The following GPR78 variants were observed in gnomAD, a reference collection of about 807,000 sequenced individuals.
GPR78 encodes G protein-coupled receptor 78.
In GPR78, 29 loss-of-function variants were observed where a neutral mutation model predicts 17.9. The observed-to-expected ratio is 1.62, with a 90% CI of 1.20 to 2.21. GPR78 has a LOEUF of 2.21. Ranked by LOEUF, GPR78 falls within the 30% of genes most tolerant of loss-of-function variation. The pLI, the probability that GPR78 is intolerant of heterozygous loss-of-function variation, is 0.00. For synonymous variants in GPR78, 349 were observed against 256.9 expected, an observed-to-expected ratio of 1.36 and a Z score of -3.43; for missense variants, 649 against 530.5, an observed-to-expected ratio of 1.22 and a Z score of -2.19.
rs1003850565 is a variant in GPR78, at chr4:8,582,618, C to A, written c.756C>A (p.Ile252=). The A allele has an allele frequency of 2.5e-6, 4 of 1,612,866 alleles. No homozygotes were observed. The highest frequency in any genetic ancestry group is 3.4e-6 in the Non-Finnish European group (4 of 1,179,032). ...KIGIAIATFL[I]CFAPYVMTRL... Reference sequence around the variant, plus strand: ...GCATTGCTATTGCGACCTTCCTCATCTGCTTTGCCCCGTATGTCATGACCA... The same window carrying A: ...GCATTGCTATTGCGACCTTCCTCATATGCTTTGCCCCGTATGTCATGACCA... Residue 252 remains isoleucine, a synonymous_variant, in exon 2 of 3, where the codon ATC becomes ATA. Coordinates refer to ENST00000382487, the MANE Select transcript of GPR78 (RefSeq NM_080819.5).
Position 8,581,155 on chromosome 4 carries a change from T to A in GPR78, c.173T>A (p.Leu58Gln), listed in dbSNP as rs774787534. Residue 58 changes from leucine to glutamine, a missense_variant, in exon 1 of 3, where the codon CTG becomes CAG. Physicochemically the swap from Leu to Gln is moderately radical, Grantham distance 113 (BLOSUM62 -2). Transcript: ENST00000382487. ...LSLGHLLLAA[L>Q]DMPFTLLGVM... Reference sequence around the variant, plus strand: ...CTGGGCCACCTGCTGCTGGCGGCGCTGGACATGCCCTTCACGCTGCTCGGT... The same window carrying A: ...CTGGGCCACCTGCTGCTGGCGGCGCAGGACATGCCCTTCACGCTGCTCGGT... 1.2e-6 allele frequency: 2 copies of A among 1,604,332 alleles called. No homozygotes were observed. The highest frequency in any genetic ancestry group is 4.5e-5 in the East Asian group (2 of 44,866).
intron 2 of GPR78, among the ~76,000 whole-genome samples, chr4:8,583,978 CA>C (rs1713396616): frequency 6.6e-6 from 1 of 152,230 alleles, no homozygotes; most frequent in African/African-American, 2.4e-5. Flanking sequence ...GAAACTGTAG[CA>C]TCCTTCTCCC....
In GPR78 at chr4:8,587,153, C is replaced by A; in HGVS notation, c.882C>A (p.Tyr294Ter). Reference protein sequence around the residue: ...YSKAVADPFTYSLLRRPFRQV... With the variant: ...YSKAVADPFT ...AGGCGGTGGCCGACCCGTTCACGTA[C>A]TCTCTGCTCCGCCGGCCGTTCCGCC... The change falls in exon 3 of 3, where the codon TAC becomes TAA. Residue 294 changes from tyrosine to a stop codon, truncating the protein, a stop_gained. Coordinates refer to ENST00000382487, the MANE Select transcript of GPR78 (RefSeq NM_080819.5). LOFTEE classifies it low-confidence loss of function (END_TRUNC). The A allele has an allele frequency of 6.2e-7, 1 of 1,613,380 alleles. No homozygotes were observed. Among genetic ancestry groups the A allele is most frequent in the Non-Finnish European group, 8.5e-7 (1 of 1,180,018 alleles).
At chr4:8,587,026 T>C in intron 2 of GPR78, 28 bp from the exon 3 acceptor site, 1 of 1,599,398 alleles carries the variant, frequency 6.3e-7, no homozygotes, top group Non-Finnish European at 8.5e-7. Context: ...TCACTGTGGC[T>C]GAGTTAGCTG....
rs553946130 is a variant in GPR78, at chr4:8,587,586, C to T, written c.*223C>T. 129 of 597,206 alleles carry T rather than the reference C, an allele frequency of 2.2e-4. 1 individual carries two copies. Among genetic ancestry groups the T allele is most frequent in the Non-Finnish European group, 1.6e-4 (53 of 336,732 alleles). The allele number at this position is 597,206 out of a possible 1,614,324, so 37.0% of individuals were successfully genotyped here. A position where few individuals can be genotyped will look rare whatever the true frequency, so the allele number is the denominator to read the frequency against. ...GGGCTGCCTGGCTGCTGGGTGGCCC[C>T]GGGACAGTGGCTTTTCCTCTCTGAA... On this transcript the variant is annotated 3_prime_UTR_variant, in exon 3 of 3. Coordinates refer to ENST00000382487, the MANE Select transcript of GPR78 (RefSeq NM_080819.5).
In GPR78 at chr4:8,581,039, G is replaced by A. The variant is rs764597378; in HGVS notation, c.57G>A (p.Ala19=). ...AGLLVMVLAV[A]LLSNALVLLC... is the part of the protein sequence containing the mutation. Reference sequence around the variant, plus strand: ...TCCTGGTGATGGTACTGGCCGTGGCGCTGCTATCCAACGCACTGGTGCTGC... The same window carrying A: ...TCCTGGTGATGGTACTGGCCGTGGCACTGCTATCCAACGCACTGGTGCTGC... The change falls in exon 1 of 3, where the codon GCG becomes GCA. Residue 19 remains alanine (A), a synonymous_variant. Transcript: ENST00000382487. The A allele has an allele frequency of 1.2e-6, 2 of 1,603,330 alleles. No individual in the cohort carries two copies. The highest frequency in any genetic ancestry group is 8.5e-7 in the Non-Finnish European group (1 of 1,177,238).
In GPR78 at chr4:8,581,029, T is replaced by G. The variant is rs532567416; in HGVS notation, c.47T>G (p.Leu16Arg). ...ALLAGLLVMV[L>R]AVALLSNALV... ...CTGGCGGGTCTCCTGGTGATGGTAC[T>G]GGCCGTGGCGCTGCTATCCAACGCA... Residue 16 changes from leucine to arginine, a missense_variant, in exon 1 of 3, where the codon CTG (leucine) becomes CGG (arginine). Leu to Arg is a moderately radical substitution (Grantham distance 102, BLOSUM62 -2). Transcript: ENST00000382487. 3.7e-6 allele frequency: 6 copies of G among 1,600,990 alleles called. No homozygotes were observed. The African/African-American group carries it at 5.3e-5, about 14-fold the overall frequency.
chr4:8,587,308 C>G lies in GPR78; in HGVS notation c.1037C>G (p.Thr346Ser). 3.1e-6 allele frequency: 5 copies of G among 1,613,078 alleles called. No homozygotes were observed. Among genetic ancestry groups the G allele is most frequent in the Non-Finnish European group, 3.4e-6 (4 of 1,179,940 alleles). Residue 346 changes from threonine (T) to serine (S), a missense_variant, in exon 3 of 3, where the codon ACC becomes AGC. Physicochemically the swap from Thr to Ser is moderately conservative, Grantham distance 58. Coordinates refer to ENST00000382487, the MANE Select transcript of GPR78 (RefSeq NM_080819.5). ...AAGAGAACCCCGCGCCCAGCGTCCA[C>G]CCACAACGGCTCTGTGGACACAGAG... The part of the protein sequence containing the change: ...LLKRTPRPAS[T>S]HNGSVDTEND...
chr4:8,581,098 G>T lies in GPR78; in HGVS notation c.116G>T (p.Arg39Leu). Reference protein sequence around the residue: ...CCAYSAELRTRASGVLLVNLS... With the variant: ...CCAYSAELRTLASGVLLVNLS... ...GCCTACAGCGCTGAGCTCCGCACTCGAGCCTCAGGCGTCCTCCTGGTGAAT... is the reference window on the plus strand; with the variant it reads ...GCCTACAGCGCTGAGCTCCGCACTCTAGCCTCAGGCGTCCTCCTGGTGAAT... The change falls in exon 1 of 3, where the codon CGA becomes CTA. Residue 39 changes from arginine to leucine, a missense_variant. Coordinates refer to ENST00000382487, the MANE Select transcript of GPR78 (RefSeq NM_080819.5). The T allele has an allele frequency of 6.2e-7, 1 of 1,606,590 alleles. No homozygotes were observed.
chr4:8,587,619 T>G lies in GPR78; in HGVS notation c.*256T>G. The G allele has an allele frequency of 1.1e-5, 6 of 557,740 alleles. No individual in the cohort carries two copies. The highest frequency in any genetic ancestry group is 3.1e-5 in the East Asian group (1 of 32,720). 34.5% of individuals were successfully genotyped at this position (557,740 alleles called of 1,614,324 possible). On this transcript the variant is annotated 3_prime_UTR_variant, in exon 3 of 3. Coordinates refer to ENST00000382487, the MANE Select transcript of GPR78 (RefSeq NM_080819.5). ...TGGCTTTTCCTCTCTGAACCTTAGC[T>G]TCCTCACCCTTGTTCTGGGGTCATG...
In GPR78 at chr4:8,580,750, C is replaced by T; in HGVS notation, c.-233C>T. On this transcript the variant is annotated 5_prime_UTR_variant, in exon 1 of 3. Transcript: ENST00000382487. ...GGACAGCACCGCGGTTGCGCTGCCT[C>T]CAGGGCGGCCCCGGGCTGCTCCTGC... The T allele has an allele frequency of 1.8e-6, 1 of 561,436 alleles. No homozygotes were observed. Among genetic ancestry groups the T allele is most frequent in the Non-Finnish European group, 3.1e-6 (1 of 322,784 alleles). The allele number at this position is 561,436 out of a possible 1,614,324, so 34.8% of individuals were successfully genotyped here. A position where few individuals can be genotyped will look rare whatever the true frequency, so the allele number is the denominator to read the frequency against.
intron 1 of GPR78, 67 bp downstream of exon 1, chr4:8,581,717 G>C: frequency 1.6e-6 from 2 of 1,254,016 alleles, no homozygotes; most frequent in South Asian, 3.4e-5. Flanking sequence ...CAGTTGGCTT[G>C]AGGAGCCTGT....
chr4:8,581,600 G>A lies in GPR78; in HGVS notation c.618G>A (p.Met206Ile). Reference sequence around the variant, plus strand: ...TGGCACGCAGACACTGCCAGCGCATGGACACCGTCACCATGAAGGCGCTCG... The same window carrying A: ...TGGCACGCAGACACTGCCAGCGCATAGACACCGTCACCATGAAGGCGCTCG... ...HRVARRHCQR[M>I]DTVTMKALAL... The change falls in exon 1 of 3, where the codon ATG becomes ATA. Residue 206 changes from methionine (M) to isoleucine (I), a missense_variant. Coordinates refer to ENST00000382487, the MANE Select transcript of GPR78 (RefSeq NM_080819.5). 1 of 1,548,104 alleles carries A rather than the reference G, an allele frequency of 6.5e-7. No homozygotes were observed. Among genetic ancestry groups the A allele is most frequent in the Non-Finnish European group, 8.7e-7 (1 of 1,153,712 alleles).
chr4:8,581,246 C>T lies in GPR78; in HGVS notation c.264C>T (p.Phe88=), dbSNP rs751470196. ...ACQVIGFLDT[F]LASNAALSVA... ...AAGTCATTGGCTTCCTGGACACCTT[C>T]CTGGCGTCCAACGCGGCGCTGAGCG... Residue 88 remains phenylalanine, a synonymous_variant, in exon 1 of 3, where the codon TTC becomes TTT. Coordinates refer to ENST00000382487, the MANE Select transcript of GPR78 (RefSeq NM_080819.5). The T allele has an allele frequency of 2.5e-6, 4 of 1,594,162 alleles. No homozygotes were observed. The highest frequency in any genetic ancestry group is 3.4e-6 in the Non-Finnish European group (4 of 1,175,196).
In GPR78 at chr4:8,581,133, G is replaced by A. The variant is rs781451124; in HGVS notation, c.151G>A (p.Gly51Ser). 6.2e-6 allele frequency: 10 copies of A among 1,605,040 alleles called. No individual in the cohort carries two copies. The South Asian group carries it at 9.9e-5, about 16-fold the overall frequency. ...CGTCCTCCTGGTGAATCTGTCTCTG[G>A]GCCACCTGCTGCTGGCGGCGCTGGA... Reference protein sequence around the residue: ...SGVLLVNLSLGHLLLAALDMP... With the variant: ...SGVLLVNLSLSHLLLAALDMP... Residue 51 changes from glycine (G) to serine (S), a missense_variant, in exon 1 of 3, where the codon GGC becomes AGC. Coordinates refer to ENST00000382487, the MANE Select transcript of GPR78 (RefSeq NM_080819.5).
At position 8,587,207 on chromosome 4, in the gene GPR78, G is replaced by T. The variant is rs62288567; in HGVS notation, c.936G>T (p.Leu312=). 1 of 1,610,882 alleles carries T rather than the reference G, an allele frequency of 6.2e-7. No homozygotes were observed. The highest frequency in any genetic ancestry group is 8.5e-7 in the Non-Finnish European group (1 of 1,177,894). Residue 312 remains leucine, a synonymous_variant, in exon 3 of 3, where the codon CTG becomes CTT. Transcript: ENST00000382487. ...RQVLAGMVHR[L]LKRTPRPAST... ...TCCTGGCCGGCATGGTGCACCGGCT[G>T]CTGAAGAGAACCCCGCGCCCAGCAT...
chr4:8,588,498 G>A lies in GPR78; in HGVS notation c.*1135G>A, dbSNP rs1322097084. ...ACGGGCACCCGGTGGAGAGGTGTGT[G>A]TGTGAATGAGTGAGCGAGTGAATGA... On this transcript the variant is annotated 3_prime_UTR_variant, in exon 3 of 3. Transcript: ENST00000382487. Among the ~76,000 whole-genome samples the A allele has an allele frequency of 2.0e-5, 3 of 152,274 alleles. No homozygotes were observed.
intron 2 of GPR78, among the ~76,000 whole-genome samples, chr4:8,583,565 G>T (rs1713382746): frequency 6.6e-6 from 1 of 152,124 alleles, no homozygotes; most frequent in South Asian, 2.1e-4. Context: ...AGGGAGTATA[G>T]TACCAGGATC....
rs1198364289 is a variant in GPR78 at position 8,580,843 on chromosome 4, C to T, written c.-140C>T. The T allele has an allele frequency of 6.0e-6, 5 of 834,606 alleles. No homozygotes were observed. Among genetic ancestry groups the T allele is most frequent in the African/African-American group, 5.2e-5 (3 of 57,756 alleles). 51.7% of individuals were successfully genotyped at this position (834,606 alleles called of 1,614,324 possible). A position where few individuals can be genotyped will look rare whatever the true frequency, so the allele number is the denominator to read the frequency against. ...ACTTGCCGCCGCTTTCCTCGCGCTG[C>T]TCTGGACCTTGCTAGCCGGCTCTGC... On this transcript the variant is annotated 5_prime_UTR_variant, in exon 1 of 3. Transcript: ENST00000382487.
Sources: allele counts gnomAD v4.1 joint callset (sites outside exome capture counted in the v4.1 genomes callset), GRCh38; gene constraint gnomAD v4.1.1; transcripts MANE v1.5; gene names NCBI Gene and HGNC (gene_info 2026-07-23, HGNC 2026-07-21).